The following CNTNAP5 variants were observed in gnomAD, a reference collection of about 807,000 sequenced individuals.
CNTNAP5 encodes the protein contactin-associated protein-like 5.
CNTNAP5 carries 72 observed loss-of-function variants against 150.2 expected under a neutral mutation model. The ratio of observed to expected loss-of-function variants is 0.48; its 90% CI spans 0.40 to 0.58. CNTNAP5 has a LOEUF of 0.58. Among genes scored for constraint, CNTNAP5 ranks in the 20% least tolerant of loss-of-function variants. CNTNAP5 has a pLI of 0.00. For synonymous variants in CNTNAP5, 672 were observed against 619.8 expected (o/e 1.08, Z -1.25); for missense variants, 1,636 against 1,626.2 (o/e 1.01, Z -0.10).
chr2:124,525,786 C>A (rs1239924927), intron 9 of CNTNAP5, among the ~76,000 whole-genome samples: 1 of 152,148 alleles, frequency 6.6e-6, no homozygotes, highest in Admixed American at 6.5e-5. Context: ...TCATTTAATT[C>A]ATGCAGAAAC....
At chr2:124,042,960 G>C (rs1204477801) in intron 1 of CNTNAP5, among the ~76,000 whole-genome samples, 1 of 152,134 alleles carries the variant, frequency 6.6e-6, no homozygotes, top group Non-Finnish European at 1.5e-5. Flanking sequence ...ACCTTATTTA[G>C]AGCTCAAAGA....
chr2:124,032,280 G>C (rs1016337514), intron 1 of CNTNAP5, among the ~76,000 whole-genome samples: 1 of 152,102 alleles, frequency 6.6e-6, no homozygotes, highest in Non-Finnish European at 1.5e-5. Flanking sequence ...CTGGAGAAAT[G>C]GGAGGGGGGC....
chr2:124,668,865 G>T (rs2105054470), intron 13 of CNTNAP5, among the ~76,000 whole-genome samples: 1 of 152,276 alleles, frequency 6.6e-6, no homozygotes, highest in African/African-American at 2.4e-5. Context: ...AGGAATGAGG[G>T]AAGGTTAGGA....
At chr2:124,892,451 G>T (rs1482375322) in intron 21 of CNTNAP5, among the ~76,000 whole-genome samples, 1 of 152,040 alleles carries the variant, frequency 6.6e-6, no homozygotes, top group Non-Finnish European at 1.5e-5. Flanking sequence ...CATTATACTG[G>T]CAGCCACCTC....
chr2:124,793,045 A>G (rs1681769785), intron 18 of CNTNAP5, among the ~76,000 whole-genome samples: 1 of 152,232 alleles, frequency 6.6e-6, no homozygotes, highest in South Asian at 2.1e-4. Context: ...TCTTGGATAT[A>G]TACCTAGAAG....
intron 12 of CNTNAP5, among the ~76,000 whole-genome samples, chr2:124,628,879 C>A (rs865952123): frequency 2.0e-5 from 3 of 152,046 alleles, no homozygotes; most frequent in African/African-American, 2.4e-5. Context: ...ATTTATCAAG[C>A]AAACGGAAAG....
At chr2:124,803,128 GA>G (rs947611850) in intron 19 of CNTNAP5, among the ~76,000 whole-genome samples, 1 of 142,144 alleles carries the variant, frequency 7.0e-6, no homozygotes. Context: ...AAAAAAAAAA[GA>G]AGTCTAGTTA....
chr2:124,294,975 G>A (rs775976886), intron 3 of CNTNAP5, among the ~76,000 whole-genome samples: 1 of 152,054 alleles, frequency 6.6e-6, no homozygotes, highest in Non-Finnish European at 1.5e-5. Flanking sequence ...GTGTGGTGGC[G>A]GGATTACAGG....
In CNTNAP5 at chr2:124,221,878, T is replaced by G; in HGVS notation, c.187+69T>G. ...TACGTGGTGGGTAGGTGAAGGAGAG[T>G]GAGCACTCTCAGACACTGAAATCAT... On this transcript the variant is annotated intron_variant, in intron 2 of 23. Transcript: ENST00000682447. 3 of 991,092 alleles carry G rather than the reference T, an allele frequency of 3.0e-6. No homozygotes were observed. In the South Asian group the frequency reaches 4.1e-5, roughly 14 times the overall value. The allele number at this position is 991,092 out of a possible 1,614,324, so 61.4% of individuals were successfully genotyped here.
At chr2:124,902,000 A>C (rs189452258) in intron 21 of CNTNAP5, among the ~76,000 whole-genome samples, 4 of 152,292 alleles carry the variant, frequency 2.6e-5, no homozygotes, top group Admixed American at 6.5e-5. Flanking sequence ...ACTGCCTTTC[A>C]GAAAACAAAC....
In CNTNAP5 at chr2:124,402,711, C is replaced by T. The variant is rs118144097; in HGVS notation, c.382-14732C>T. On this transcript the variant is annotated intron_variant, in intron 3 of 23. Transcript: ENST00000682447. ...TCTTTTAAGCTAATCAAATAACTGT[C>T]GCTATTAAACGACAAGTAGATACAC... is the stretch of plus-strand genomic sequence containing the variant. Among the ~76,000 whole-genome samples, 15 of 152,240 alleles carry T rather than the reference C, an allele frequency of 9.9e-5. No homozygotes were observed. The East Asian group carries it at 2.1e-3, about 22-fold the overall frequency.
intron 3 of CNTNAP5, among the ~76,000 whole-genome samples, chr2:124,249,969 G>C (rs1374022983): frequency 3.1e-5 from 3 of 96,806 alleles, no homozygotes; most frequent in African/African-American, 1.6e-4. Context: ...TTTTGTGTGT[G>C]TGTGTGTGTG....
At chr2:124,421,841 T>C (rs1202625369) in intron 4 of CNTNAP5, among the ~76,000 whole-genome samples, 1 of 152,218 alleles carries the variant, frequency 6.6e-6, no homozygotes, top group African/African-American at 2.4e-5. Context: ...ACTGTTCCTC[T>C]AAAGTCACCT....
chr2:124,682,807 G>C lies in CNTNAP5; in HGVS notation c.2077+34849G>C, dbSNP rs145845578. Among the ~76,000 whole-genome samples the C allele has an allele frequency of 8.7e-3, 1,318 of 152,272 alleles. 11 individuals carry two copies. Among genetic ancestry groups the C allele is most frequent in the Non-Finnish European group, 0.013 (862 of 68,016 alleles). ...GTTTTGAACTTGTGAGTGTTGGTGG[G>C]ATTTTGAATGAATCGTGCCACCTTA... On this transcript the variant is annotated intron_variant, in intron 13 of 23. Coordinates refer to ENST00000682447, the MANE Select transcript of CNTNAP5 (RefSeq NM_001367498.1).
chr2:124,551,835 A>G (rs550126586), intron 10 of CNTNAP5, among the ~76,000 whole-genome samples: 1 of 152,314 alleles, frequency 6.6e-6, no homozygotes, highest in South Asian at 2.1e-4. Flanking sequence ...AACAGGGAAG[A>G]AAAATTATTT....
At chr2:124,549,849 G>C (rs1048299988) in intron 10 of CNTNAP5, among the ~76,000 whole-genome samples, 2 of 152,198 alleles carry the variant, frequency 1.3e-5, no homozygotes, top group African/African-American at 4.8e-5. Flanking sequence ...CCATTCACTT[G>C]TTCTTGCTTC....
chr2:124,587,574 G>A lies in CNTNAP5; in HGVS notation c.1757-22227G>A, dbSNP rs73952835. ...AAAAGATCTCTTATTGCCTCTTTCT[G>A]GCTCAGATCTTTATTCTTCCTCAGG... On this transcript the variant is annotated intron_variant, in intron 11 of 23. Transcript: ENST00000682447. Among the ~76,000 whole-genome samples, 179 of 152,122 alleles carry A rather than the reference G, an allele frequency of 1.2e-3. 1 individual carries two copies. The highest frequency in any genetic ancestry group is 3.8e-3 in the African/African-American group (156 of 41,490).
At chr2:124,581,555 G>A (rs928469657) in intron 11 of CNTNAP5, among the ~76,000 whole-genome samples, 4 of 152,138 alleles carry the variant, frequency 2.6e-5, no homozygotes, top group Admixed American at 2.0e-4. Context: ...GAGTTCAGGC[G>A]GCAGGGACTG....
chr2:124,329,456 T>A (rs1367966220), intron 3 of CNTNAP5, among the ~76,000 whole-genome samples: 1 of 152,114 alleles, frequency 6.6e-6, no homozygotes. Flanking sequence ...AAGAGAAGGT[T>A]AGAAAGTCCT....
Sources: allele counts gnomAD v4.1 joint callset (sites outside exome capture counted in the v4.1 genomes callset), GRCh38; gene constraint gnomAD v4.1.1; transcripts MANE v1.5; gene names NCBI Gene and HGNC (gene_info 2026-07-23, HGNC 2026-07-21).